The following DYNC1H1 variants were observed in gnomAD, a reference collection of about 807,000 sequenced individuals.
DYNC1H1 encodes dynein cytoplasmic 1 heavy chain 1.
In DYNC1H1, 51 loss-of-function variants were observed where a neutral mutation model predicts 527.1. The observed-to-expected ratio is 0.10, with a 90% CI of 0.08 to 0.12. DYNC1H1 has a LOEUF of 0.12. DYNC1H1 is among the 10% of genes least tolerant of loss of function. DYNC1H1 has a pLI of 1.00. For synonymous variants in DYNC1H1, 2,189 were observed against 2,278.8 expected (o/e 0.96, Z 1.12); for missense variants, 2,771 against 5,971.8 (o/e 0.46, Z 17.66).
In DYNC1H1 at chr14:102,038,994, A is replaced by G. The variant is rs2048610767; in HGVS notation, c.11207-7A>G. The G allele has an allele frequency of 6.2e-7, 1 of 1,613,876 alleles. No individual in the cohort carries two copies. The highest frequency in any genetic ancestry group is 1.1e-5 in the South Asian group (1 of 91,088). On this transcript the variant is annotated splice_polypyrimidine_tract_variant and splice_region_variant and intron_variant, in intron 59 of 77. Coordinates refer to ENST00000360184, the MANE Select transcript of DYNC1H1 (RefSeq NM_001376.5). The surrounding 1 kb of genome is among the most constrained non-coding windows in gnomAD (Gnocchi z 7.2). The stretch of plus-strand genomic sequence containing the variant: ...ATTGCAAACTCTGGATGTTTTATTC[A>G]TTTAAGGGGAATTTCAGCTCCGTTT...
At position 101,979,286 on chromosome 14, in the gene DYNC1H1, T is replaced by C; in HGVS notation, c.345-33T>C. 1.2e-6 allele frequency: 2 copies of C among 1,605,746 alleles called. No individual in the cohort carries two copies. Among genetic ancestry groups the C allele is most frequent in the Non-Finnish European group, 1.7e-6 (2 of 1,172,664 alleles). The stretch of plus-strand genomic sequence containing the variant: ...TAATAAGCCTAATTAGGAGTGTAAC[T>C]TTTCTAATTTCTTGTTTTATTTTTC... On this transcript the variant is annotated intron_variant, in intron 2 of 77. Coordinates refer to ENST00000360184, the MANE Select transcript of DYNC1H1 (RefSeq NM_001376.5). The surrounding 1 kb of genome is among the most constrained non-coding windows in gnomAD (Gnocchi z 4.6).
At position 102,049,242 on chromosome 14, in the gene DYNC1H1, C is replaced by A. The variant is rs1158179794; in HGVS notation, c.13373-198C>A. 1.4e-5 allele frequency: 10 copies of A among 710,998 alleles called. No homozygotes were observed. In the East Asian group the frequency reaches 2.7e-4, roughly 19 times the overall value. 44.0% of individuals were successfully genotyped at this position (710,998 alleles called of 1,614,324 possible). On this transcript the variant is annotated intron_variant, in intron 74 of 77. Transcript: ENST00000360184. This position sits in a 1 kb window ranked among gnomAD's most constrained non-coding sequence, Gnocchi z 5.5. ...AGAAACTGCACGGTTCTGAGACATG[C>A]TCTGGACCAGCCTGAGCTAGAGCAG...
chr14:101,976,122 G>T (rs910244476), intron 2 of DYNC1H1, among the ~76,000 whole-genome samples: 21 of 150,920 alleles, frequency 1.4e-4, no homozygotes, highest in Non-Finnish European at 3.0e-4. Context: ...GGTCAGGCTG[G>T]TCTCGAACTC....
Position 102,026,564 on chromosome 14 carries a change from T to A in DYNC1H1, c.8638-10T>A. On this transcript the variant is annotated splice_polypyrimidine_tract_variant and intron_variant, in intron 43 of 77. Coordinates refer to ENST00000360184, the MANE Select transcript of DYNC1H1 (RefSeq NM_001376.5). Reference sequence around the variant, plus strand: ...TCTAAGTAATTTGGGTATTACCTTTTTTTCTATAGGATTACATCCCAGTAG... The same window carrying A: ...TCTAAGTAATTTGGGTATTACCTTTATTTCTATAGGATTACATCCCAGTAG... 1 of 1,614,084 alleles carries A rather than the reference T, an allele frequency of 6.2e-7. No individual in the cohort carries two copies. The highest frequency in any genetic ancestry group is 8.5e-7 in the Non-Finnish European group (1 of 1,180,012).
rs958653217 is a variant in DYNC1H1, at chr14:101,970,473, G to GTT, written c.257-5213_257-5212dup. 2.4e-3 allele frequency among the ~76,000 whole-genome samples: 196 copies of GTT among 81,428 alleles called. 5 individuals are homozygous for GTT. Among genetic ancestry groups the GTT allele is most frequent in the East Asian group, 2.6e-3 (6 of 2,306 alleles). The allele number at this position is 81,428 out of a possible 152,430, so 53.4% of individuals were successfully genotyped here. ...GTATTAGTATGTTTGGTTTGTTGTT[G>GTT]TTTTTTTTTTTTTTTTTTTTTTTTT... On this transcript the variant is annotated intron_variant, in intron 1 of 77. Coordinates refer to ENST00000360184, the MANE Select transcript of DYNC1H1 (RefSeq NM_001376.5).
At position 101,964,594 on chromosome 14, in the gene DYNC1H1, C is replaced by A. The variant is rs1002259356; in HGVS notation, c.-98C>A. On this transcript the variant is annotated 5_prime_UTR_variant, in exon 1 of 78. Coordinates refer to ENST00000360184, the MANE Select transcript of DYNC1H1 (RefSeq NM_001376.5). The surrounding 1 kb of genome is among the most constrained non-coding windows in gnomAD (Gnocchi z 5.5). ...CCTCAGTCTGCGGTGGGCTAGCGGA[C>A]GGTCCGGCTTCCGGCGGCCGTTTCT... is the stretch of plus-strand genomic sequence containing the variant. 2.6e-6 allele frequency: 4 copies of A among 1,525,590 alleles called. No homozygotes were observed. The highest frequency in any genetic ancestry group is 2.6e-6 in the Non-Finnish European group (3 of 1,141,584). 94.5% of individuals were successfully genotyped at this position (1,525,590 alleles called of 1,614,324 possible).
At position 102,010,212 on chromosome 14, in the gene DYNC1H1, C is replaced by G; in HGVS notation, c.6222-64C>G. 1 of 1,612,864 alleles carries G rather than the reference C, an allele frequency of 6.2e-7. No individual in the cohort carries two copies. The highest frequency in any genetic ancestry group is 1.1e-5 in the South Asian group (1 of 90,890). On this transcript the variant is annotated intron_variant, in intron 30 of 77. Transcript: ENST00000360184. This position sits in a 1 kb window ranked among gnomAD's most constrained non-coding sequence, Gnocchi z 6.0. ...AATATCCATCTCTGGTTTCTTGACACTTGACCCTATTATTGCTTAAAGTAT... is the reference window on the plus strand; with the variant it reads ...AATATCCATCTCTGGTTTCTTGACAGTTGACCCTATTATTGCTTAAAGTAT...
Position 102,036,451 on chromosome 14 carries a change from C to T in DYNC1H1, c.10755-38C>T, listed in dbSNP as rs751351578. The T allele has an allele frequency of 1.9e-5, 31 of 1,611,556 alleles. No individual in the cohort carries two copies. The Middle Eastern group carries it at 9.8e-4, about 51-fold the overall frequency. On this transcript the variant is annotated intron_variant, in intron 56 of 77. Coordinates refer to ENST00000360184, the MANE Select transcript of DYNC1H1 (RefSeq NM_001376.5). The surrounding 1 kb of genome is among the most constrained non-coding windows in gnomAD (Gnocchi z 5.6). ...ACCGTGATCCTGTGCTTTCCCCATT[C>T]GGTGTTTCAACCTTCTCTTCTGTGG...
In DYNC1H1 at chr14:102,028,108, C is replaced by T. The variant is rs1445894053; in HGVS notation, c.9435C>T (p.Asn3145=). ...QPPSHREAIV[N]SCVFVHQTLH... ...CATCCCATCGGGAAGCCATTGTGAA[C>T]AGCTGTGTGTTTGTTCATCAGACTC... Residue 3145 remains asparagine, a synonymous_variant, in exon 48 of 78, where the codon AAC becomes AAT. Coordinates refer to ENST00000360184, the MANE Select transcript of DYNC1H1 (RefSeq NM_001376.5). 2 of 1,614,158 alleles carry T rather than the reference C, an allele frequency of 1.2e-6. No individual in the cohort carries two copies. The highest frequency in any genetic ancestry group is 2.2e-5 in the South Asian group (2 of 91,080).
rs376466744 is a variant in DYNC1H1 at position 102,039,576 on chromosome 14, C to CG, written c.11595+37dup. ...AGTGAGGTCCTCAGCCGCTCCCTGG[C>CG]GGGGGGGAAGCAGGGTGCTGCTTCT... is the stretch of plus-strand genomic sequence containing the variant. On this transcript the variant is annotated intron_variant, in intron 61 of 77. Coordinates refer to ENST00000360184, the MANE Select transcript of DYNC1H1 (RefSeq NM_001376.5). This position sits in a 1 kb window ranked among gnomAD's most constrained non-coding sequence, Gnocchi z 7.0. 2.8e-5 allele frequency: 46 copies of CG among 1,614,070 alleles called. No homozygotes were observed. Among genetic ancestry groups the CG allele is most frequent in the African/African-American group, 1.6e-4 (12 of 75,026 alleles).
chr14:102,040,177 C>G, intron 62 of DYNC1H1, 59 bp from the exon 63 acceptor site: 6 of 1,602,778 alleles, frequency 3.7e-6, no homozygotes, highest in Middle Eastern at 1.7e-4. Flanking sequence ...CAGCTGTTAT[C>G]TTAGTGACAG....
chr14:101,980,228 A>G, intron 4 of DYNC1H1, 136 bp from the exon 5 acceptor site: 1 of 1,232,652 alleles, frequency 8.1e-7, no homozygotes, highest in South Asian at 1.3e-5. Flanking sequence ...TTTCAAATCA[A>G]GCCACTTTTG....
chr14:102,046,216 C>T (rs2048716435), intron 72 of DYNC1H1, among the ~76,000 whole-genome samples: 1 of 151,968 alleles, frequency 6.6e-6, no homozygotes, highest in Non-Finnish European at 1.5e-5. Context: ...CCCAGGCGCA[C>T]TCTATCAGGA....
chr14:102,006,947 C>A, intron 27 of DYNC1H1, 61 bp from the exon 28 acceptor site: 1 of 1,564,342 alleles, frequency 6.4e-7, no homozygotes, highest in Non-Finnish European at 8.8e-7. Context: ...TCTTTTAAAG[C>A]TAAAGATATG....
chr14:102,048,903 A>T, intron 74 of DYNC1H1: 1 of 590,794 alleles, frequency 1.7e-6, no homozygotes, highest in South Asian at 2.0e-5. Flanking sequence ...AAATCTTTAC[A>T]CAACTTCTAG....
rs942300107 is a variant in DYNC1H1 at position 102,051,045 on chromosome 14, T to C, written c.*482T>C. ...GTTCACACCTTTAATCGCAGCACTT[T>C]GGGAGTCTGGGAGTTAAAGACCAGC... On this transcript the variant is annotated 3_prime_UTR_variant, in exon 78 of 78. Coordinates refer to ENST00000360184, the MANE Select transcript of DYNC1H1 (RefSeq NM_001376.5). 4.5e-6 allele frequency: 1 copy of C among 224,124 alleles called. No individual in the cohort carries two copies. 13.9% of individuals were successfully genotyped at this position (224,124 alleles called of 1,614,324 possible).
chr14:102,028,022 A>G lies in DYNC1H1; in HGVS notation c.9349A>G (p.Lys3117Glu). 6.2e-7 allele frequency: 1 copy of G among 1,614,194 alleles called. No individual in the cohort carries two copies. The highest frequency in any genetic ancestry group is 8.5e-7 in the Non-Finnish European group (1 of 1,180,036). The change falls in exon 48 of 78, where the codon AAG becomes GAG. Residue 3117 changes from lysine (K) to glutamate (E), a missense_variant. By Grantham distance (56) the Lys-to-Glu change is moderately conservative. Around this residue, in one of 32 missense-constraint regions of DYNC1H1, gnomAD observed 67 missense variants for 128.2 expected, o/e 0.52. Coordinates refer to ENST00000360184, the MANE Select transcript of DYNC1H1 (RefSeq NM_001376.5). Reference sequence around the variant, plus strand: ...ATTCACAAGTAAGATGGATCTGGAGAAGCCAAATTACATCGTGCCTGATTA... The same window carrying G: ...ATTCACAAGTAAGATGGATCTGGAGGAGCCAAATTACATCGTGCCTGATTA... ...KEFTSKMDLE[K>E]PNYIVPDYMP...
At chr14:101,990,792 C>T (rs900030990) in intron 10 of DYNC1H1, among the ~76,000 whole-genome samples, 23 of 152,056 alleles carry the variant, frequency 1.5e-4, no homozygotes, top group Admixed American at 1.2e-3. Context: ...AGGCAGATCA[C>T]GAGGTCAAGA....
At position 102,029,541 on chromosome 14, in the gene DYNC1H1, G is replaced by A. The variant is rs151255069; in HGVS notation, c.9471G>A (p.Ala3157=). The change falls in exon 49 of 78, where the codon GCG becomes GCA. Residue 3157 remains alanine (A), a splice_region_variant and synonymous_variant. Transcript: ENST00000360184. This position sits in a 1 kb window ranked among gnomAD's most constrained non-coding sequence, Gnocchi z 5.3. ...AAGATGTAACTATTTTCTGAAAGGCGAATGCTCGGCTAGCAAAGCGAGGCG... is the reference window on the plus strand; with the variant it reads ...AAGATGTAACTATTTTCTGAAAGGCAAATGCTCGGCTAGCAAAGCGAGGCG... The part of the protein sequence containing the change: ...CVFVHQTLHQ[A]NARLAKRGGR... The A allele has an allele frequency of 2.0e-5, 33 of 1,614,174 alleles. No individual in the cohort carries two copies. Among genetic ancestry groups the A allele is most frequent in the African/African-American group, 1.1e-4 (8 of 75,048 alleles).
Sources: allele counts gnomAD v4.1 joint callset (sites outside exome capture counted in the v4.1 genomes callset), GRCh38; gene constraint gnomAD v4.1.1; regional missense constraint gnomAD v4.1.1; non-coding constraint Gnocchi (gnomAD v3.1); transcripts MANE v1.5; gene names NCBI Gene and HGNC (gene_info 2026-07-23, HGNC 2026-07-21).